The following CFAP46 variants were observed in gnomAD, a reference collection of about 807,000 sequenced individuals.
CFAP46 encodes cilia- and flagella-associated protein 46.
A neutral mutation model predicts 325.7 loss-of-function variants in CFAP46; 245 were observed. That is an observed-to-expected ratio of 0.75 (90% confidence interval 0.68 to 0.84). The LOEUF (loss-of-function observed/expected upper bound fraction) is 0.84, where lower values mean the gene tolerates loss of function less well. CFAP46 is among the 40% of genes least tolerant of loss of function. The pLI is 0.00. For missense variants in CFAP46, 3,346 were observed against 3,543.0 expected (o/e 0.94, Z 1.41); for synonymous variants, 1,523 against 1,495.9 (o/e 1.02, Z -0.42).
intron 41 of CFAP46, among the ~76,000 whole-genome samples, chr10:132,849,693 G>A (rs1326451056): frequency 1.3e-5 from 2 of 152,078 alleles, no homozygotes; most frequent in Non-Finnish European, 2.9e-5. Flanking sequence ...GGTCCCGACC[G>A]CCCTTCTCAG....
Position 132,909,132 on chromosome 10 carries a change from C to A in CFAP46, c.2757+5G>T. ...TGGCCTCCCGGGACCCCTGGGGACA[C>A]CTACCTGGGCCAGGGAGGGGACAGT... On this transcript the variant is annotated splice_donor_5th_base_variant and intron_variant, in intron 21 of 57. Coordinates refer to ENST00000368586, the MANE Select transcript of CFAP46 (RefSeq NM_001200049.3). The A allele has an allele frequency of 1.3e-6, 2 of 1,546,746 alleles. No homozygotes were observed. Among genetic ancestry groups the A allele is most frequent in the Non-Finnish European group, 1.7e-6 (2 of 1,144,914 alleles).
At chr10:132,881,276 C>A (rs372628437) in intron 27 of CFAP46, among the ~76,000 whole-genome samples, 1 of 152,096 alleles carries the variant, frequency 6.6e-6, no homozygotes, top group Non-Finnish European at 1.5e-5. Context: ...ATTCCTTCCC[C>A]GTCTCCTCAC....
Position 132,879,434 on chromosome 10 carries a change from T to C in CFAP46, c.3997A>G (p.Ile1333Val). 3 of 1,521,268 alleles carry C rather than the reference T, an allele frequency of 2.0e-6. No homozygotes were observed. Among genetic ancestry groups the C allele is most frequent in the Non-Finnish European group, 1.8e-6 (2 of 1,130,762 alleles). The allele number at this position is 1,521,268 out of a possible 1,614,324, so 94.2% of individuals were successfully genotyped here. A position where few individuals can be genotyped will look rare whatever the true frequency, so the allele number is the denominator to read the frequency against. The change falls in exon 29 of 58, where the codon ATC becomes GTC. Residue 1333 changes from isoleucine to valine, a missense_variant. Ile to Val is a conservative substitution (Grantham distance 29). Coordinates refer to ENST00000368586, the MANE Select transcript of CFAP46 (RefSeq NM_001200049.3). ...TCTGCGCTGGGCCTCACCTGCCAGATGTGCCTGAAGAAGGCGTAGGCTGCA... is the reference window on the plus strand; with the variant it reads ...TCTGCGCTGGGCCTCACCTGCCAGACGTGCCTGAAGAAGGCGTAGGCTGCA... ...CLAAYAFFRH[I>V]WQVSLMTAGK...
chr10:132,932,200 T>C (rs1487984773), intron 8 of CFAP46, among the ~76,000 whole-genome samples: 2 of 87,258 alleles, frequency 2.3e-5, no homozygotes, highest in Non-Finnish European at 4.4e-5. Context: ...TCCTCACACT[T>C]CTCACACAGA....
chr10:132,941,757 C>G, intron 2 of CFAP46, 35 bp from the exon 3 acceptor site: 2 of 1,612,022 alleles, frequency 1.2e-6, no homozygotes, highest in Non-Finnish European at 1.7e-6. Context: ...GATCACAGAC[C>G]CGGAGGGGTG....
chr10:132,937,227 A>G (rs932242958), intron 6 of CFAP46, 172 bp from the exon 7 acceptor site: 8 of 530,254 alleles, frequency 1.5e-5, no homozygotes, highest in African/African-American at 1.4e-4. Flanking sequence ...TGCTTTTGGT[A>G]CATATTCTTG....
chr10:132,866,124 G>C lies in CFAP46; in HGVS notation c.4791C>G (p.Ser1597=). Residue 1597 remains serine, a synonymous_variant, in exon 35 of 58, where the codon TCC becomes TCG. Coordinates refer to ENST00000368586, the MANE Select transcript of CFAP46 (RefSeq NM_001200049.3). ...CCTTCAGCATCCACAGGTGGGGAAA[G>C]GACGTCCCATCCAGGTCCCTCCCGG... The part of the protein sequence containing the change: ...GETGRDLDGT[S]FPHLWMLKAE... 1 of 1,544,532 alleles carries C rather than the reference G, an allele frequency of 6.5e-7. No homozygotes were observed. Among genetic ancestry groups the C allele is most frequent in the Non-Finnish European group, 8.7e-7 (1 of 1,143,972 alleles).
At position 132,847,055 on chromosome 10, in the gene CFAP46, C is replaced by T. The variant is rs775066510; in HGVS notation, c.6144G>A (p.Gln2048=). The change falls in exon 43 of 58, where the codon CAG becomes CAA. Residue 2048 remains glutamine (Q), a synonymous_variant. Coordinates refer to ENST00000368586, the MANE Select transcript of CFAP46 (RefSeq NM_001200049.3). This position sits in a 1 kb window ranked among gnomAD's most constrained non-coding sequence, Gnocchi z 5.2. ...CACTGCCAAGGGCCACCTGTAGGCA[C>T]TGCAGCAGCACCTCTGACGCCTGAG... The part of the protein sequence containing the change: ...YLAQASEVLL[Q]CLQVALGSGL... 6.2e-7 allele frequency: 1 copy of T among 1,612,600 alleles called. No homozygotes were observed. The highest frequency in any genetic ancestry group is 8.5e-7 in the Non-Finnish European group (1 of 1,179,934).
chr10:132,899,474 A>C, intron 23 of CFAP46, 61 bp downstream of exon 23: 1 of 1,483,842 alleles, frequency 6.7e-7, no homozygotes, highest in Non-Finnish European at 9.0e-7. Flanking sequence ...CTTGGTGAGC[A>C]CAGGGGTCCC....
chr10:132,923,288 G>A (rs1360777145), intron 11 of CFAP46, among the ~76,000 whole-genome samples: 4 of 143,904 alleles, frequency 2.8e-5, no homozygotes, highest in Admixed American at 6.9e-5. Context: ...ATGTGGGGGT[G>A]CCCTGGAACC....
intron 50 of CFAP46, among the ~76,000 whole-genome samples, chr10:132,825,857 G>C (rs1257510486): frequency 6.6e-6 from 1 of 152,168 alleles, no homozygotes; most frequent in Non-Finnish European, 1.5e-5. Context: ...AAAGCCGAAA[G>C]GGCTGGGACT....
rs549578858 is a variant in CFAP46, at chr10:132,810,864, C to A, written c.7583+86G>T. On this transcript the variant is annotated intron_variant, in intron 56 of 57. Transcript: ENST00000368586. The stretch of plus-strand genomic sequence containing the variant: ...CCGTTCTTGAAACCCGACCCCAGGT[C>A]CCTCCTCCCTTGTGGGTCCCACGCC... 4.8e-6 allele frequency: 6 copies of A among 1,259,746 alleles called. No individual in the cohort carries two copies. In the African/African-American group the frequency reaches 8.8e-5, roughly 18 times the overall value. The allele number at this position is 1,259,746 out of a possible 1,614,324, so 78.0% of individuals were successfully genotyped here. A position where few individuals can be genotyped will look rare whatever the true frequency, so the allele number is the denominator to read the frequency against.
chr10:132,812,894 C>T lies in CFAP46; in HGVS notation c.7392G>A (p.Gln2464=). ...GHLGSKHFPS[Q]AQWEQALGSC... ...TGCCCAGGGCCTGCTCCCACTGGGCCTGGCTGCAGAGAGAGGAGAGCGCTG... is the reference window on the plus strand; with the variant it reads ...TGCCCAGGGCCTGCTCCCACTGGGCTTGGCTGCAGAGAGAGGAGAGCGCTG... The change falls in exon 55 of 58, where the codon CAG becomes CAA. Residue 2464 remains glutamine (Q), a synonymous_variant. Transcript: ENST00000368586. The T allele has an allele frequency of 6.2e-7, 1 of 1,606,600 alleles. No individual in the cohort carries two copies. The highest frequency in any genetic ancestry group is 8.5e-7 in the Non-Finnish European group (1 of 1,179,114).
At chr10:132,823,507 T>TGTGC (rs1847941182) in intron 50 of CFAP46, among the ~76,000 whole-genome samples, 2 of 127,482 alleles carry the variant, frequency 1.6e-5, no homozygotes, top group African/African-American at 3.0e-5. Context: ...GTGTGCTGTG[T>TGTGC]GCTGATGTGT....
chr10:132,857,076 C>T (rs1022979163), intron 39 of CFAP46, among the ~76,000 whole-genome samples: 22 of 152,232 alleles, frequency 1.4e-4, no homozygotes, highest in African/African-American at 4.1e-4. Flanking sequence ...TTTTCCAATC[C>T]GGCTGGTGAA....
At chr10:132,929,414 T>C (rs1481986369) in intron 9 of CFAP46, 3 of 688,804 alleles carry the variant, frequency 4.4e-6, no homozygotes, top group Middle Eastern at 2.4e-4. Flanking sequence ...TTCTGGATCA[T>C]CAGCATCATG....
At chr10:132,818,890 C>T (rs1016860269) in intron 50 of CFAP46, among the ~76,000 whole-genome samples, 2 of 150,864 alleles carry the variant, frequency 1.3e-5, no homozygotes, top group Non-Finnish European at 3.0e-5. Context: ...AAAGAACAGG[C>T]ACACACATCA....
At position 132,832,379 on chromosome 10, in the gene CFAP46, G is replaced by A. The variant is rs907234482; in HGVS notation, c.7117+979C>T. 2.8e-5 allele frequency among the ~76,000 whole-genome samples: 4 copies of A among 143,290 alleles called. No homozygotes were observed. Among genetic ancestry groups the A allele is most frequent in the African/African-American group, 1.1e-4 (4 of 36,666 alleles). The allele number at this position is 143,290 out of a possible 152,430, so 94.0% of individuals were successfully genotyped here. On this transcript the variant is annotated intron_variant, in intron 50 of 57. Transcript: ENST00000368586. The surrounding 1 kb of genome is among the most constrained non-coding windows in gnomAD (Gnocchi z 4.1). ...GTCCTCAACTTGCGGAGACCCCTGG[G>A]CTCTTCCTGCCCCCCCCCCCCAATG...
intron 22 of CFAP46, among the ~76,000 whole-genome samples, chr10:132,904,607 C>T (rs953586285): frequency 6.6e-5 from 10 of 152,376 alleles, no homozygotes; most frequent in East Asian, 5.8e-4. Context: ...ACGGCCAGGG[C>T]GCCCAGCCCC....
Sources: gnomAD v4.1 joint callset for allele counts (sites outside exome capture counted in the v4.1 genomes callset) on GRCh38, gnomAD v4.1.1 for gene constraint, Gnocchi (gnomAD v3.1) non-coding constraint, MANE v1.5 for transcripts, NCBI Gene and HGNC (gene_info 2026-07-23, HGNC 2026-07-21) for gene names.